Variants in CTNND2 observed in about 807,000 individuals in gnomAD.
CTNND2 encodes catenin delta-2.
In CTNND2, 22 loss-of-function variants were observed where a neutral mutation model predicts 144.4. The ratio of observed to expected loss-of-function variants is 0.15; its 90% CI spans 0.11 to 0.22. The LOEUF (loss-of-function observed/expected upper bound fraction) is 0.22. Ranked by LOEUF, CTNND2 falls within the 10% of genes least tolerant of loss-of-function variation. The pLI is 1.00. For missense variants in CTNND2, 1,353 were observed against 1,618.8 expected, an observed-to-expected ratio of 0.84 and a Z score of 2.82; for synonymous variants, 751 against 695.6, an observed-to-expected ratio of 1.08 and a Z score of -1.25.
chr5:11,318,610 G>A (rs1359303242), intron 9 of CTNND2, among the ~76,000 whole-genome samples: 3 of 152,004 alleles, frequency 2.0e-5, no homozygotes, highest in Admixed American at 1.3e-4. Flanking sequence ...CAACCCAACT[G>A]GATTTGTTCT....
chr5:11,790,379 A>G (rs934804126), intron 1 of CTNND2, among the ~76,000 whole-genome samples: 7 of 152,130 alleles, frequency 4.6e-5, no homozygotes, highest in African/African-American at 1.7e-4. Context: ...CTCTGAGTTG[A>G]CTGACAATGT....
chr5:11,754,546 C>G (rs1490199700), intron 1 of CTNND2, among the ~76,000 whole-genome samples: 4 of 151,688 alleles, frequency 2.6e-5, no homozygotes, highest in Non-Finnish European at 4.4e-5. Context: ...CTAATATTGT[C>G]AGTGGGGTGT....
In CTNND2 at chr5:11,159,585, C is replaced by G; in HGVS notation, c.2150G>C (p.Gly717Ala). ...GTGACACAGGACTGACCTTAGGCAC[C>G]CGGTGGCGTTACGCAGCACCTGTGA... ...HSSQVLRNAT[G>A]CLRNVSSAGE... is the part of the protein sequence containing the mutation. Residue 717 changes from glycine (G) to alanine (A), a missense_variant, in exon 12 of 22, where the codon GGG becomes GCG. Physicochemically the swap from Gly to Ala is moderately conservative, Grantham distance 60. Transcript: ENST00000304623. The G allele has an allele frequency of 6.2e-7, 1 of 1,609,138 alleles. No individual in the cohort carries two copies. The highest frequency in any genetic ancestry group is 8.5e-7 in the Non-Finnish European group (1 of 1,177,636).
rs181352804 is a variant in CTNND2 at position 11,596,032 on chromosome 5, C to T, written c.175-30976G>A. Among the ~76,000 whole-genome samples the T allele has an allele frequency of 7.9e-5, 12 of 152,310 alleles. No homozygotes were observed. In the East Asian group the frequency reaches 2.3e-3, roughly 29 times the overall value. ...TCTCCAAGACACATACAGACATGCA[C>T]ACACGCAAGCGCAACTTTGCAGAAT... On this transcript the variant is annotated intron_variant, in intron 2 of 21. Transcript: ENST00000304623.
intron 10 of CTNND2, among the ~76,000 whole-genome samples, chr5:11,221,507 C>T (rs1482561851): frequency 1.3e-5 from 2 of 152,200 alleles, no homozygotes; most frequent in African/African-American, 4.8e-5. Context: ...AGTCTAAGAT[C>T]ATTTGCATAG....
intron 18 of CTNND2, among the ~76,000 whole-genome samples, chr5:11,011,380 C>T (rs1241293170): frequency 1.3e-5 from 2 of 151,888 alleles, no homozygotes; most frequent in African/African-American, 2.4e-5. Context: ...CCACACCCGG[C>T]TAATTTTTGT....
chr5:11,173,711 C>G (rs1760178323), intron 11 of CTNND2, among the ~76,000 whole-genome samples: 1 of 152,110 alleles, frequency 6.6e-6, no homozygotes, highest in South Asian at 2.1e-4. Context: ...CCAATTGGAG[C>G]TATAAGGTTA....
At chr5:11,199,855 A>T (rs1300967401) in intron 10 of CTNND2, among the ~76,000 whole-genome samples, 194 bp from the exon 11 acceptor site, 1 of 152,234 alleles carries the variant, frequency 6.6e-6, no homozygotes, top group Non-Finnish European at 1.5e-5. Context: ...ATATCCTACC[A>T]ATAAAAATCC....
At chr5:11,016,442 T>A (rs1164575112) in intron 18 of CTNND2, among the ~76,000 whole-genome samples, 1 of 152,218 alleles carries the variant, frequency 6.6e-6, no homozygotes, top group African/African-American at 2.4e-5. Context: ...AATATTTTTT[T>A]CCCCCATTGC....
intron 11 of CTNND2, among the ~76,000 whole-genome samples, chr5:11,194,704 AG>A (rs1265309164): frequency 1.3e-5 from 2 of 152,228 alleles, no homozygotes; most frequent in African/African-American, 4.8e-5. Context: ...CCATAAAAAA[AG>A]AAAAGCTGAC....
At chr5:11,076,906 C>A (rs941541172) in intron 16 of CTNND2, among the ~76,000 whole-genome samples, 2 of 152,086 alleles carry the variant, frequency 1.3e-5, no homozygotes, top group African/African-American at 4.8e-5. Flanking sequence ...AAATCCAGAA[C>A]CAATGATGGA....
At chr5:11,839,208 A>T (rs736437) in intron 1 of CTNND2, among the ~76,000 whole-genome samples, 1 of 151,664 alleles carries the variant, frequency 6.6e-6, no homozygotes, top group Non-Finnish European at 1.5e-5. Context: ...GGGGTCATAC[A>T]ATTGGTGATC....
intron 10 of CTNND2, among the ~76,000 whole-genome samples, chr5:11,212,370 T>C (rs1334111733): frequency 6.6e-6 from 1 of 152,200 alleles, no homozygotes; most frequent in African/African-American, 2.4e-5. Flanking sequence ...AACTGACTTC[T>C]TGGGAGTTGA....
At chr5:11,851,374 C>CT (rs1253398621) in intron 1 of CTNND2, among the ~76,000 whole-genome samples, 1 of 152,158 alleles carries the variant, frequency 6.6e-6, no homozygotes. Flanking sequence ...GGCTGAAACT[C>CT]TACCTTTCAG....
intron 11 of CTNND2, among the ~76,000 whole-genome samples, chr5:11,191,956 A>G (rs1326034064): frequency 6.6e-6 from 1 of 152,156 alleles, no homozygotes; most frequent in African/African-American, 2.4e-5. Flanking sequence ...CACCAGACAC[A>G]GCGGCAAAGC....
At position 11,016,833 on chromosome 5, in the gene CTNND2, C is replaced by T. The variant is rs187230917; in HGVS notation, c.3084+1141G>A. Among the ~76,000 whole-genome samples the T allele has an allele frequency of 2.4e-3, 369 of 152,100 alleles. 1 individual carries two copies. The highest frequency in any genetic ancestry group is 8.2e-3 in the African/African-American group (340 of 41,482). ...TTGCCCAGGCTACAGTCCAGTAGTG[C>T]GATCTCAGCTCACCTCAACCTCTGC... is the stretch of plus-strand genomic sequence containing the variant. On this transcript the variant is annotated intron_variant, in intron 18 of 21. Transcript: ENST00000304623.
intron 3 of CTNND2, among the ~76,000 whole-genome samples, chr5:11,535,032 C>T (rs1774086847): frequency 6.6e-6 from 1 of 151,950 alleles, no homozygotes; most frequent in Non-Finnish European, 1.5e-5. Context: ...ACTAAAAATA[C>T]ATCAAATTAG....
intron 16 of CTNND2, among the ~76,000 whole-genome samples, chr5:11,074,973 C>T (rs1308963392): frequency 6.6e-6 from 1 of 151,896 alleles, no homozygotes. Context: ...CCTTAACCCC[C>T]AGAATGAATG....
intron 9 of CTNND2, among the ~76,000 whole-genome samples, chr5:11,330,012 T>C (rs987314360): frequency 6.6e-5 from 10 of 152,160 alleles, no homozygotes; most frequent in African/African-American, 2.4e-4. Flanking sequence ...AATGAGCTAA[T>C]GTAGCATGTT....
Sources: gnomAD v4.1 joint callset for allele counts (sites outside exome capture counted in the v4.1 genomes callset) on GRCh38, gnomAD v4.1.1 for gene constraint, MANE v1.5 for transcripts, NCBI Gene and HGNC (gene_info 2026-07-23, HGNC 2026-07-21) for gene names.